The following HEMK1 variants were observed in gnomAD, a reference collection of about 807,000 sequenced individuals.
HEMK1 encodes the protein MTRF1L release factor glutamine methyltransferase.
In HEMK1, 36 loss-of-function variants were observed where a neutral mutation model predicts 47.9. The observed-to-expected ratio is 0.75, with a 90% CI of 0.58 to 0.99. The LOEUF (loss-of-function observed/expected upper bound fraction) is 0.99, where lower values mean the gene tolerates loss of function less well. HEMK1 is among the 50% of genes least tolerant of loss of function. The pLI is 0.00. For synonymous variants in HEMK1, 153 were observed against 165.4 expected (o/e 0.93, Z 0.57); for missense variants, 383 against 434.5 (o/e 0.88, Z 1.05).
In HEMK1 at chr3:50,580,370, T is replaced by C. The variant is rs555279282; in HGVS notation, c.981-11T>C. ...CCAGGTGGTAACCAGCCCCTGTCCC[T>C]GTCTCCTCAGGCCCCGGTTCCTGCA... On this transcript the variant is annotated splice_polypyrimidine_tract_variant and intron_variant, in intron 10 of 10. Transcript: ENST00000232854. 6 of 1,614,142 alleles carry C rather than the reference T, an allele frequency of 3.7e-6. No homozygotes were observed. The Admixed American group carries it at 8.3e-5, about 22-fold the overall frequency.
At chr3:50,570,421 C>A (rs975289020) in intron 1 of HEMK1, 2 of 152,204 alleles carry the variant, frequency 1.3e-5, no homozygotes, top group African/African-American at 4.8e-5. Context: ...CATGACAGTA[C>A]ACACACAATG....
Position 50,595,522 on chromosome 3 carries a change from G to T in HEMK1, c.*15105G>T, listed in dbSNP as rs1184223110. ...GTGGGAGATGTTATCTTTAGTATAC[G>T]GGACAATAAAATCTGCCTTTTGCTC... is the stretch of plus-strand genomic sequence containing the variant. On this transcript the variant is annotated 3_prime_UTR_variant, in exon 11 of 11. Transcript: ENST00000232854. The T allele has an allele frequency of 6.6e-6, 1 of 152,128 alleles. No homozygotes were observed. Among genetic ancestry groups the T allele is most frequent in the African/African-American group, 2.4e-5 (1 of 41,406 alleles). The allele number at this position is 152,128 out of a possible 1,614,324, so 9.4% of individuals were successfully genotyped here.
chr3:50,574,748 A>C (rs1701383920), intron 4 of HEMK1, among the ~76,000 whole-genome samples: 1 of 152,212 alleles, frequency 6.6e-6, no homozygotes, highest in South Asian at 2.1e-4. Context: ...AGTGGTCTCC[A>C]GTAGTGCCTG....
chr3:50,585,279 T>G lies in HEMK1; in HGVS notation c.*4862T>G, dbSNP rs1277107749. The G allele has an allele frequency of 1.3e-5, 2 of 152,346 alleles. No individual in the cohort carries two copies. Among genetic ancestry groups the G allele is most frequent in the Admixed American group, 1.3e-4 (2 of 15,278 alleles). The allele number at this position is 152,346 out of a possible 1,614,324, so 9.4% of individuals were successfully genotyped here. On this transcript the variant is annotated 3_prime_UTR_variant, in exon 11 of 11. Coordinates refer to ENST00000232854, the MANE Select transcript of HEMK1 (RefSeq NM_016173.5). ...GAGGATGAGCAGGGGCCCTGTACTC[T>G]CTGGGTTGCAGGTACTGCATCTGTG... is the stretch of plus-strand genomic sequence containing the variant.
Position 50,577,492 on chromosome 3 carries a change from G to C in HEMK1, c.550-17G>C, listed in dbSNP as rs1410575224. 5.0e-6 allele frequency: 8 copies of C among 1,613,422 alleles called. No homozygotes were observed. The highest frequency in any genetic ancestry group is 6.8e-6 in the Non-Finnish European group (8 of 1,179,470). On this transcript the variant is annotated splice_polypyrimidine_tract_variant and intron_variant, in intron 5 of 10. Transcript: ENST00000232854. ...CAGCATTGCCTTCCACATATCCTCT[G>C]TTTGTTCTTGGGACAGAGCCGAGTC...
upstream of HEMK1, chr3:50,569,431 G>C (rs1200307647): frequency 6.6e-6 from 1 of 152,222 alleles, no homozygotes; most frequent in Admixed American, 6.5e-5. Context: ...GCTGGGCTAC[G>C]GCGTCCGCCC....
At chr3:50,569,440 C>T (rs1022594916), upstream of HEMK1, 1 of 152,240 alleles carries the variant, frequency 6.6e-6, no homozygotes, top group East Asian at 1.9e-4. Flanking sequence ...CGGCGTCCGC[C>T]CGAGCCTTTT....
chr3:50,571,148 C>A lies in HEMK1; in HGVS notation c.44C>A (p.Pro15Gln), dbSNP rs764772073. The A allele has an allele frequency of 3.1e-6, 5 of 1,612,516 alleles. No homozygotes were observed. Among genetic ancestry groups the A allele is most frequent in the Non-Finnish European group, 2.5e-6 (3 of 1,179,342 alleles). The part of the protein sequence containing the change: ...GRMLWALLSG[P>Q]GRRGSTRGWA... ...ATGCTGTGGGCCCTCCTGTCTGGCCCAGGGAGGAGGGGAAGTACCCGGGGC... is the reference window on the plus strand; with the variant it reads ...ATGCTGTGGGCCCTCCTGTCTGGCCAAGGGAGGAGGGGAAGTACCCGGGGC... The change falls in exon 2 of 11, where the codon CCA (proline) becomes CAA (glutamine). Residue 15 changes from proline to glutamine, a missense_variant. Physicochemically the swap from Pro to Gln is moderately conservative, Grantham distance 76. Coordinates refer to ENST00000232854, the MANE Select transcript of HEMK1 (RefSeq NM_016173.5).
intron 10 of HEMK1, 38 bp downstream of exon 10, chr3:50,580,267 G>C: frequency 6.2e-7 from 1 of 1,606,434 alleles, no homozygotes; most frequent in Non-Finnish European, 8.5e-7. Context: ...TAGCATGCTG[G>C]TCTTTCCACT....
rs1700888363 is a variant in HEMK1 at position 50,570,970 on chromosome 3, G to A, written c.-135G>A. 1 of 601,006 alleles carries A rather than the reference G, an allele frequency of 1.7e-6. No homozygotes were observed. Among genetic ancestry groups the A allele is most frequent in the Non-Finnish European group, 2.8e-6 (1 of 354,638 alleles). 37.2% of individuals were successfully genotyped at this position (601,006 alleles called of 1,614,324 possible). A position where few individuals can be genotyped will look rare whatever the true frequency, so the allele number is the denominator to read the frequency against. On this transcript the variant is annotated 5_prime_UTR_variant, in exon 2 of 11. Transcript: ENST00000232854. ...ATATCTGAGGACCAGAGCCATTTTG[G>A]GGCACCAGAGCTTGTGACCTCTCCA...
chr3:50,587,576 C>T lies in HEMK1; in HGVS notation c.*7159C>T, dbSNP rs899549055. 11 of 152,264 alleles carry T rather than the reference C, an allele frequency of 7.2e-5. No individual in the cohort carries two copies. Among genetic ancestry groups the T allele is most frequent in the African/African-American group, 2.7e-4 (11 of 41,432 alleles). The allele number at this position is 152,264 out of a possible 1,614,324, so 9.4% of individuals were successfully genotyped here. A position where few individuals can be genotyped will look rare whatever the true frequency, so the allele number is the denominator to read the frequency against. On this transcript the variant is annotated 3_prime_UTR_variant, in exon 11 of 11. Transcript: ENST00000232854. This position sits in a 1 kb window ranked among gnomAD's most constrained non-coding sequence, Gnocchi z 4.2. ...ACCTGGAGCTGGAGGCCTTAGTCAT[C>T]ACACCAGGCTTGAGGAGGGGCGGAT... is the stretch of plus-strand genomic sequence containing the variant.
chr3:50,577,333 T>A (rs1701692552), intron 5 of HEMK1, 147 bp downstream of exon 5: 7 of 1,158,414 alleles, frequency 6.0e-6, no homozygotes, highest in Non-Finnish European at 8.8e-6. Flanking sequence ...CCACTGTGGT[T>A]CACAGACTCT....
chr3:50,589,327 C>G lies in HEMK1; in HGVS notation c.*8910C>G, dbSNP rs1207719101. ...AAGAGAAGCCTTATCTCAAGCTCAG[C>G]ACAAACCCTGTTCTCTGAGCACATA... is the stretch of plus-strand genomic sequence containing the variant. On this transcript the variant is annotated 3_prime_UTR_variant, in exon 11 of 11. Transcript: ENST00000232854. 3.3e-5 allele frequency: 5 copies of G among 152,164 alleles called. No individual in the cohort carries two copies. The highest frequency in any genetic ancestry group is 1.2e-4 in the African/African-American group (5 of 41,428). The allele number at this position is 152,164 out of a possible 1,614,324, so 9.4% of individuals were successfully genotyped here. A position where few individuals can be genotyped will look rare whatever the true frequency, so the allele number is the denominator to read the frequency against.
At chr3:50,570,851 A>G (rs765273682) in intron 1 of HEMK1, 80 bp from the exon 2 acceptor site, 8 of 403,512 alleles carry the variant, frequency 2.0e-5, no homozygotes, top group Non-Finnish European at 3.1e-5. Context: ...CAAGAGCACA[A>G]CTATTCTCAG....
rs1228765256 is a variant in HEMK1 at position 50,583,999 on chromosome 3, C to T, written c.*3582C>T. 1.3e-5 allele frequency: 2 copies of T among 152,262 alleles called. No individual in the cohort carries two copies. Among genetic ancestry groups the T allele is most frequent in the African/African-American group, 2.4e-5 (1 of 41,464 alleles). The allele number at this position is 152,262 out of a possible 1,614,324, so 9.4% of individuals were successfully genotyped here. ...GAGCTGGGACTTCCCATGTGGCCCA[C>T]ATCTGACCTGGCAGCCCATGTATTC... On this transcript the variant is annotated 3_prime_UTR_variant, in exon 11 of 11. Transcript: ENST00000232854.
Position 50,577,169 on chromosome 3 carries a change from C to G in HEMK1, c.532C>G (p.Leu178Val), listed in dbSNP as rs418888. Residue 178 changes from leucine (L) to valine (V), a missense_variant, in exon 5 of 11, where the codon CTG (leucine) becomes GTG (valine). By Grantham distance (32) the Leu-to-Val change is conservative. Coordinates refer to ENST00000232854, the MANE Select transcript of HEMK1 (RefSeq NM_016173.5). ...CGSGAISLSL[L>V]SQLPQSRVIA... is the part of the protein sequence containing the mutation. ...ATCAGGAGCCATCTCCCTCAGCCTGCTGAGCCAGCTCCCCCAGGTGAGCCC... is the reference window on the plus strand; with the variant it reads ...ATCAGGAGCCATCTCCCTCAGCCTGGTGAGCCAGCTCCCCCAGGTGAGCCC... 3 of 1,610,444 alleles carry G rather than the reference C, an allele frequency of 1.9e-6. No homozygotes were observed. Among genetic ancestry groups the G allele is most frequent in the Non-Finnish European group, 2.5e-6 (3 of 1,179,042 alleles).
rs1025735760 is a variant in HEMK1, at chr3:50,595,616, A to G, written c.*15199A>G. On this transcript the variant is annotated 3_prime_UTR_variant, in exon 11 of 11. Transcript: ENST00000232854. ...ATAATCACCCTTGTAAAGATTATTTAGAACAAGGGCAACCAGTGCCTCTAC... is the reference window on the plus strand; with the variant it reads ...ATAATCACCCTTGTAAAGATTATTTGGAACAAGGGCAACCAGTGCCTCTAC... 1.4e-4 allele frequency: 22 copies of G among 152,358 alleles called. No homozygotes were observed. Among genetic ancestry groups the G allele is most frequent in the African/African-American group, 4.8e-4 (20 of 41,588 alleles). The allele number at this position is 152,358 out of a possible 1,614,324, so 9.4% of individuals were successfully genotyped here. A position where few individuals can be genotyped will look rare whatever the true frequency, so the allele number is the denominator to read the frequency against.
intron 8 of HEMK1, 141 bp from the exon 9 acceptor site, chr3:50,579,703 C>A: frequency 1.6e-6 from 1 of 627,808 alleles, no homozygotes; most frequent in Non-Finnish European, 2.8e-6. Context: ...TGGGGCCCTC[C>A]TTCTCTGGGT....
chr3:50,573,166 G>C (rs941707540), intron 4 of HEMK1, among the ~76,000 whole-genome samples: 1 of 152,178 alleles, frequency 6.6e-6, no homozygotes, highest in East Asian at 1.9e-4. Flanking sequence ...TCAGGGCAGG[G>C]ACAGTAGGGA....
Sources: allele counts gnomAD v4.1 joint callset (sites outside exome capture counted in the v4.1 genomes callset), GRCh38; gene constraint gnomAD v4.1.1; non-coding constraint Gnocchi (gnomAD v3.1); transcripts MANE v1.5; gene names NCBI Gene and HGNC (gene_info 2026-07-23, HGNC 2026-07-21).